Variants in DENND1B observed in about 807,000 individuals in gnomAD.
DENND1B encodes DENN domain containing 1B.
Under a neutral mutation model 90.1 loss-of-function variants are expected in DENND1B, and 59 were observed. The ratio of observed to expected loss-of-function variants is 0.65; its 90% CI spans 0.53 to 0.81. The LOEUF is 0.81. Among genes scored for constraint, DENND1B ranks in the 40% least tolerant of loss-of-function variants. The probability of loss-of-function intolerance (pLI) is 0.00; values close to 1 mark genes in which losing one functional copy is unlikely to be tolerated. For missense variants in DENND1B, 862 were observed against 912.6 expected (o/e 0.94, Z 0.71); for synonymous variants, 337 against 324.6 (o/e 1.04, Z -0.41).
At chr1:197,655,053 T>C (rs1182710772) in intron 6 of DENND1B, among the ~76,000 whole-genome samples, 1 of 152,202 alleles carries the variant, frequency 6.6e-6, no homozygotes, top group Non-Finnish European at 1.5e-5. Context: ...AAGAAATAAA[T>C]GATTGTATAC....
intron 14 of DENND1B, among the ~76,000 whole-genome samples, chr1:197,588,068 C>A (rs1035369201): frequency 2.0e-5 from 3 of 152,168 alleles, no homozygotes; most frequent in East Asian, 1.9e-4. Flanking sequence ...CCCTTGCCTG[C>A]CACTCACCTC....
At chr1:197,562,244 T>C (rs1672231887) in intron 15 of DENND1B, among the ~76,000 whole-genome samples, 1 of 151,878 alleles carries the variant, frequency 6.6e-6, no homozygotes, top group East Asian at 1.9e-4. Flanking sequence ...CACAAAACAC[T>C]TCCTATTATA....
chr1:197,701,433 G>A (rs890386507), intron 3 of DENND1B, among the ~76,000 whole-genome samples: 1 of 152,166 alleles, frequency 6.6e-6, no homozygotes, highest in South Asian at 2.1e-4. Flanking sequence ...CCATTCGGGG[G>A]CCAGGGGTGA....
chr1:197,716,282 T>A (rs1009655026), intron 2 of DENND1B, among the ~76,000 whole-genome samples: 1 of 151,890 alleles, frequency 6.6e-6, no homozygotes, highest in African/African-American at 2.4e-5. Context: ...AAGAAAAAAG[T>A]AAGCTTTCGA....
chr1:197,570,545 A>T (rs1393840032), intron 15 of DENND1B, among the ~76,000 whole-genome samples: 1 of 152,140 alleles, frequency 6.6e-6, no homozygotes, highest in Non-Finnish European at 1.5e-5. Flanking sequence ...GATAGAACTG[A>T]GGGCATGTTT....
intron 3 of DENND1B, among the ~76,000 whole-genome samples, chr1:197,679,277 CAG>C (rs1448576777): frequency 6.7e-6 from 1 of 148,944 alleles, no homozygotes; most frequent in Admixed American, 6.7e-5. Flanking sequence ...GGAAGCAGTG[CAG>C]AGTGACATTA....
At chr1:197,778,637 G>A (rs553761072), upstream of DENND1B, among the ~76,000 whole-genome samples, 12 of 151,582 alleles carry the variant, frequency 7.9e-5, no homozygotes, top group South Asian at 1.5e-3. Context: ...AGATCATGCC[G>A]CTGCATTGCA....
intron 15 of DENND1B, among the ~76,000 whole-genome samples, chr1:197,554,265 C>T (rs1246451346): frequency 6.6e-6 from 1 of 151,936 alleles, no homozygotes; most frequent in East Asian, 1.9e-4. Context: ...GTCTTCCTTG[C>T]TTAAGAGGCA....
Position 197,642,761 on chromosome 1 carries a change from T to C in DENND1B, c.622A>G (p.Ser208Gly), listed in dbSNP as rs1260226258. ...DVNNMLQLYA[S>G]MLHERRIVII... ...ACGATGCGCCTTTCATGCAGCATAC[T>C]GGCATACAGCTGCAGCATGTTGTTC... The change falls in exon 10 of 23, where the codon AGT becomes GGT. Residue 208 changes from serine to glycine, a missense_variant. Physicochemically the swap from Ser to Gly is moderately conservative, Grantham distance 56 (BLOSUM62 0). Coordinates refer to ENST00000620048, the MANE Select transcript of DENND1B (RefSeq NM_001195215.2). 1.9e-6 allele frequency: 3 copies of C among 1,613,654 alleles called. No individual in the cohort carries two copies. The highest frequency in any genetic ancestry group is 2.2e-5 in the East Asian group (1 of 44,868).
rs532115797 is a variant in DENND1B, at chr1:197,505,773, C to T, written c.*4687G>A. 2 of 151,748 alleles carry T rather than the reference C, an allele frequency of 1.3e-5. No homozygotes were observed. Among genetic ancestry groups the T allele is most frequent in the East Asian group, 3.9e-4 (2 of 5,148 alleles). The allele number at this position is 151,748 out of a possible 1,614,324, so 9.4% of individuals were successfully genotyped here. A position where few individuals can be genotyped will look rare whatever the true frequency, so the allele number is the denominator to read the frequency against. On this transcript the variant is annotated 3_prime_UTR_variant, in exon 23 of 23. Transcript: ENST00000620048. ...CCCTTTATAAATCTTATCAAAGATTCATCACAAAGGATACTACAATCCACA... is the reference window on the plus strand; with the variant it reads ...CCCTTTATAAATCTTATCAAAGATTTATCACAAAGGATACTACAATCCACA...
At chr1:197,647,857 A>G (rs569901868) in intron 7 of DENND1B, among the ~76,000 whole-genome samples, 15 of 151,866 alleles carry the variant, frequency 9.9e-5, no homozygotes, top group African/African-American at 3.1e-4. Context: ...CCAAGGCAGG[A>G]GAATCACTCA....
intron 3 of DENND1B, among the ~76,000 whole-genome samples, chr1:197,703,407 T>C (rs1659231322): frequency 6.6e-6 from 1 of 152,210 alleles, no homozygotes; most frequent in African/African-American, 2.4e-5. Flanking sequence ...TGTTCATGTA[T>C]AACTATTGAA....
At chr1:197,598,367 T>G (rs1445821815) in intron 13 of DENND1B, among the ~76,000 whole-genome samples, 3 of 151,774 alleles carry the variant, frequency 2.0e-5, no homozygotes, top group African/African-American at 7.2e-5. Flanking sequence ...AAAAATCAGT[T>G]TTAGATATAA....
At chr1:197,606,000 A>C (rs1362164686) in intron 13 of DENND1B, 1 of 151,174 alleles carries the variant, frequency 6.6e-6, no homozygotes, top group Admixed American at 6.6e-5. Flanking sequence ...ATATTACAGA[A>C]AAATATGCTC....
intron 16 of DENND1B, chr1:197,552,636 T>G: frequency 1.0e-6 from 1 of 1,003,862 alleles, no homozygotes; most frequent in Non-Finnish European, 1.2e-6. Flanking sequence ...TGGATTGTAT[T>G]ACCAATCATA....
intron 10 of DENND1B, among the ~76,000 whole-genome samples, chr1:197,639,103 A>G (rs1458513433): frequency 6.6e-6 from 1 of 150,474 alleles, no homozygotes; most frequent in Admixed American, 6.6e-5. Context: ...TCACTCTGTC[A>G]CCCAGGCTGG....
At chr1:197,621,326 T>C (rs926818227) in intron 10 of DENND1B, among the ~76,000 whole-genome samples, 36 of 151,352 alleles carry the variant, frequency 2.4e-4, no homozygotes, top group Admixed American at 2.1e-3. Flanking sequence ...TAGAGCCTTC[T>C]AGGACATGGC....
intron 20 of DENND1B, among the ~76,000 whole-genome samples, chr1:197,524,760 A>T (rs1238399035): frequency 1.3e-5 from 2 of 152,142 alleles, no homozygotes; most frequent in Admixed American, 1.3e-4. Context: ...GTTGAACTGA[A>T]TTAGACAGAC....
intron 10 of DENND1B, among the ~76,000 whole-genome samples, chr1:197,618,923 A>T (rs992066114): frequency 1.3e-5 from 2 of 151,238 alleles, no homozygotes; most frequent in African/African-American, 4.8e-5. Flanking sequence ...TATTAGCCAC[A>T]TTTGTCTATG....
Sources: allele counts gnomAD v4.1 joint callset (sites outside exome capture counted in the v4.1 genomes callset), GRCh38; gene constraint gnomAD v4.1.1; transcripts MANE v1.5; gene names NCBI Gene and HGNC (gene_info 2026-07-23, HGNC 2026-07-21).